ZHX3: variants seen among roughly 807,000 people sequenced by gnomAD.
ZHX3 encodes the protein zinc fingers and homeoboxes protein 3.
ZHX3 carries 20 observed loss-of-function variants against 64.5 expected under a neutral mutation model. The observed-to-expected ratio is 0.31, with a 90% CI of 0.22 to 0.45. The LOEUF (loss-of-function observed/expected upper bound fraction) is 0.45. Ranked by LOEUF, ZHX3 falls within the 20% of genes least tolerant of loss-of-function variation. The probability of loss-of-function intolerance (pLI) is 1.00; values close to 1 mark genes in which losing one functional copy is unlikely to be tolerated. For missense variants in ZHX3, 1,041 were observed against 1,195.8 expected, an observed-to-expected ratio of 0.87 and a Z score of 1.91; for synonymous variants, 423 against 461.6, an observed-to-expected ratio of 0.92 and a Z score of 1.07.
chr20:41,305,140 G>GGTCTT (rs1401932635), intron 1 of ZHX3, among the ~76,000 whole-genome samples: 1 of 152,156 alleles, frequency 6.6e-6, no homozygotes, highest in Non-Finnish European at 1.5e-5. Flanking sequence ...AAAGATTAAG[G>GGTCTT]GTCTTGTCTA....
intron 2 of ZHX3, among the ~76,000 whole-genome samples, chr20:41,229,564 C>T (rs2040470924): frequency 6.6e-6 from 1 of 152,116 alleles, no homozygotes; most frequent in Admixed American, 6.5e-5. Flanking sequence ...ATGGCAATAT[C>T]TGTTATTTTC....
Position 41,257,900 on chromosome 20 carries a change from C to G in ZHX3, c.-151+11090G>C, listed in dbSNP as rs571912032. ...TGCTGGGATTACAGGTGTTAGCCAC[C>G]ACGCCCAACCCTTTTTTTTTTTGAG... is the stretch of plus-strand genomic sequence containing the variant. On this transcript the variant is annotated intron_variant, in intron 2 of 3. Coordinates refer to ENST00000683867, the MANE Select transcript of ZHX3 (RefSeq NM_001384317.1). Among the ~76,000 whole-genome samples the G allele has an allele frequency of 3.6e-5, 5 of 137,494 alleles. No homozygotes were observed. The East Asian group carries it at 8.2e-4, about 23-fold the overall frequency. 90.2% of individuals were successfully genotyped at this position (137,494 alleles called of 152,430 possible).
In ZHX3 at chr20:41,286,987, A is replaced by C. The variant is rs138256423; in HGVS notation, c.-244-17904T>G. On this transcript the variant is annotated intron_variant, in intron 1 of 3. Transcript: ENST00000683867. Reference sequence around the variant, plus strand: ...CACCATGACTGTAAGTTGAGGCCTCATCAGTCATGTGGAACTGTGAATTAA... The same window carrying C: ...CACCATGACTGTAAGTTGAGGCCTCCTCAGTCATGTGGAACTGTGAATTAA... Among the ~76,000 whole-genome samples the C allele has an allele frequency of 8.8e-4, 134 of 152,322 alleles. 2 individuals are homozygous for C. The East Asian group carries it at 0.018, about 20-fold the overall frequency.
intron 2 of ZHX3, among the ~76,000 whole-genome samples, chr20:41,223,802 A>C (rs1393924504): frequency 1.3e-5 from 2 of 152,254 alleles, no homozygotes; most frequent in African/African-American, 4.8e-5. Flanking sequence ...ATGGGTTGTT[A>C]CAAATAACAA....
chr20:41,272,302 T>C (rs774033749), intron 1 of ZHX3: 3 of 152,232 alleles, frequency 2.0e-5, no homozygotes, highest in Non-Finnish European at 4.4e-5. Context: ...AAGGTAACTA[T>C]GACAGCAAAG....
intron 1 of ZHX3, among the ~76,000 whole-genome samples, chr20:41,278,724 A>G (rs1348519126): frequency 7.1e-6 from 1 of 141,406 alleles, no homozygotes; most frequent in Admixed American, 7.0e-5. Context: ...CATAATTCAA[A>G]TCATAGAAAC....
At chr20:41,267,576 A>G (rs1336782074) in intron 2 of ZHX3, 1 of 152,274 alleles carries the variant, frequency 6.6e-6, no homozygotes, top group African/African-American at 2.4e-5. Flanking sequence ...GAGACAGCCA[A>G]TCAAATTTAT....
chr20:41,259,849 G>C (rs536451453), intron 2 of ZHX3, among the ~76,000 whole-genome samples: 6 of 152,146 alleles, frequency 3.9e-5, no homozygotes, highest in Admixed American at 3.9e-4. Flanking sequence ...TTTTTACAAA[G>C]AGTACAACTT....
intron 2 of ZHX3, among the ~76,000 whole-genome samples, chr20:41,221,140 G>A (rs900091354): frequency 3.9e-5 from 6 of 152,184 alleles, no homozygotes; most frequent in African/African-American, 1.2e-4. Context: ...GTTCTTCTCT[G>A]AATGTGCTCT....
At chr20:41,216,896 A>T (rs1223178815) in intron 2 of ZHX3, among the ~76,000 whole-genome samples, 1 of 152,214 alleles carries the variant, frequency 6.6e-6, no homozygotes, top group Non-Finnish European at 1.5e-5. Flanking sequence ...TTTGATATAT[A>T]AAACACTAAT....
intron 2 of ZHX3, among the ~76,000 whole-genome samples, chr20:41,244,269 G>T (rs967868090): frequency 6.6e-6 from 1 of 152,178 alleles, no homozygotes; most frequent in Non-Finnish European, 1.5e-5. Context: ...GGAGGCTGGG[G>T]AGGTGCAGAG....
At chr20:41,235,293 C>A (rs1038399123) in intron 2 of ZHX3, among the ~76,000 whole-genome samples, 6 of 152,144 alleles carry the variant, frequency 3.9e-5, no homozygotes, top group Middle Eastern at 6.3e-3. Context: ...TATCCTGATA[C>A]TAAAGCCTGG....
In ZHX3 at chr20:41,203,716, T is replaced by G. The variant is rs780107331; in HGVS notation, c.1201A>C (p.Asn401His). ...GCGGCCTGGATGAGATGCTGGACAT[T>G]GCCAGCACTGGCGACGAGTGGGGTA... Reference protein sequence around the residue: ...LNTPLVASAGNVQHLIQAALP... With the variant: ...LNTPLVASAGHVQHLIQAALP... Residue 401 changes from asparagine (N) to histidine (H), a missense_variant, in exon 3 of 4, where the codon AAT becomes CAT. Asn to His is a moderately conservative substitution (Grantham distance 68). Around this residue, in one of 4 missense-constraint regions of ZHX3, gnomAD observed 649 missense variants for 739.8 expected, o/e 0.88. Coordinates refer to ENST00000683867, the MANE Select transcript of ZHX3 (RefSeq NM_001384317.1). This position sits in a 1 kb window ranked among gnomAD's most constrained non-coding sequence, Gnocchi z 7.1. 4 of 1,614,180 alleles carry G rather than the reference T, an allele frequency of 2.5e-6. No homozygotes were observed. Among genetic ancestry groups the G allele is most frequent in the Non-Finnish European group, 3.4e-6 (4 of 1,180,022 alleles).
chr20:41,180,768 C>G lies in ZHX3; in HGVS notation c.*4423G>C, dbSNP rs1340998524. Reference sequence around the variant, plus strand: ...CAGAAACCTGTTGGTTCCATTTGCACTCAGAGCAAACCAAGCAGCACCTTG... The same window carrying G: ...CAGAAACCTGTTGGTTCCATTTGCAGTCAGAGCAAACCAAGCAGCACCTTG... On this transcript the variant is annotated 3_prime_UTR_variant, in exon 4 of 4. Transcript: ENST00000683867. 1 of 152,288 alleles carries G rather than the reference C, an allele frequency of 6.6e-6. No homozygotes were observed. Among genetic ancestry groups the G allele is most frequent in the African/African-American group, 2.4e-5 (1 of 41,458 alleles). The allele number at this position is 152,288 out of a possible 1,614,324, so 9.4% of individuals were successfully genotyped here.
chr20:41,243,004 T>G (rs1305953587), intron 2 of ZHX3, among the ~76,000 whole-genome samples: 1 of 152,192 alleles, frequency 6.6e-6, no homozygotes, highest in Non-Finnish European at 1.5e-5. Flanking sequence ...TCTAAGTGGA[T>G]GTGGTGTCCC....
chr20:41,302,011 G>A (rs1000821864), intron 1 of ZHX3, among the ~76,000 whole-genome samples: 2 of 131,766 alleles, frequency 1.5e-5, no homozygotes, highest in Non-Finnish European at 3.1e-5. Context: ...CCGAGACTGC[G>A]CCACTGCACT....
At position 41,203,050 on chromosome 20, in the gene ZHX3, G is replaced by C; in HGVS notation, c.1867C>G (p.Gln623Glu). 1 of 1,614,180 alleles carries C rather than the reference G, an allele frequency of 6.2e-7. No homozygotes were observed. The highest frequency in any genetic ancestry group is 8.5e-7 in the Non-Finnish European group (1 of 1,180,034). Residue 623 changes from glutamine (Q) to glutamate (E), a missense_variant, in exon 3 of 4, where the codon CAG becomes GAG. Gln to Glu is a conservative substitution (Grantham distance 29, BLOSUM62 2). This residue lies in a region of ZHX3 where 649 missense variants were observed against 739.8 expected (regional missense o/e 0.88). Coordinates refer to ENST00000683867, the MANE Select transcript of ZHX3 (RefSeq NM_001384317.1). The surrounding 1 kb of genome is among the most constrained non-coding windows in gnomAD (Gnocchi z 7.1). ...PTKYKERAPEQLRALESSFAQ... is the reference protein window; with the variant it reads ...PTKYKERAPEELRALESSFAQ... The stretch of plus-strand genomic sequence containing the variant: ...AAACTGCTCTCCAGGGCTCTGAGCT[G>C]CTCAGGGGCTCTCTCCTTGTATTTG...
chr20:41,215,141 C>T (rs2039427559), intron 2 of ZHX3, among the ~76,000 whole-genome samples: 1 of 152,020 alleles, frequency 6.6e-6, no homozygotes, highest in African/African-American at 2.4e-5. Context: ...GGCTATAATC[C>T]CAGCTATCGG....
chr20:41,272,312 G>C (rs896280474), intron 1 of ZHX3: 1 of 152,168 alleles, frequency 6.6e-6, no homozygotes, highest in African/African-American at 2.4e-5. Flanking sequence ...TGACAGCAAA[G>C]CCACAGTTAT....
Sources: allele counts gnomAD v4.1 joint callset (sites outside exome capture counted in the v4.1 genomes callset), GRCh38; gene constraint gnomAD v4.1.1; regional missense constraint gnomAD v4.1.1; non-coding constraint Gnocchi (gnomAD v3.1); transcripts MANE v1.5; gene names NCBI Gene and HGNC (gene_info 2026-07-23, HGNC 2026-07-21).